Variants in LRRC69 observed in about 807,000 individuals in gnomAD.
LRRC69 encodes leucine rich repeat containing 69.
In LRRC69, 42 loss-of-function variants were observed where a neutral mutation model predicts 37.8. The ratio of observed to expected loss-of-function variants is 1.11; its 90% CI spans 0.87 to 1.44. LRRC69 has a LOEUF of 1.44. Ranked by LOEUF, LRRC69 falls within the 40% of genes most tolerant of loss-of-function variation. LRRC69 has a pLI of 0.00. For missense variants in LRRC69, 357 were observed against 401.9 expected (o/e 0.89, Z 0.96); for synonymous variants, 141 against 143.1 (o/e 0.99, Z 0.11).
chr8:91,150,366 T>C (rs1808710192), intron 5 of LRRC69, among the ~76,000 whole-genome samples: 2 of 152,050 alleles, frequency 1.3e-5, no homozygotes, highest in South Asian at 2.1e-4. Flanking sequence ...TCATTGGTTC[T>C]GTTTATGTGC....
chr8:91,206,715 A>G (rs1323400827), intron 7 of LRRC69: 5 of 1,289,766 alleles, frequency 3.9e-6, no homozygotes, highest in Non-Finnish European at 5.1e-6. Flanking sequence ...AATACAAGCA[A>G]CAACAGCCAG....
At chr8:91,206,902 T>A (rs148052485) in intron 7 of LRRC69, 3 of 1,192,400 alleles carry the variant, frequency 2.5e-6, no homozygotes, top group Non-Finnish European at 2.2e-6. Context: ...AGGGAACTCA[T>A]ACATGTTATT....
At chr8:91,188,080 T>C (rs1809433877) in intron 5 of LRRC69, among the ~76,000 whole-genome samples, 1 of 152,190 alleles carries the variant, frequency 6.6e-6, no homozygotes, top group South Asian at 2.1e-4. Flanking sequence ...AGAGCTGCCA[T>C]TGGGTTCAAC....
chr8:91,127,837 G>T (rs1813747020), intron 3 of LRRC69, among the ~76,000 whole-genome samples: 1 of 151,922 alleles, frequency 6.6e-6, no homozygotes, highest in African/African-American at 2.4e-5. Context: ...GCAGCATCCA[G>T]GGTTTTAAAA....
intron 5 of LRRC69, among the ~76,000 whole-genome samples, chr8:91,172,673 A>C (rs888284389): frequency 6.6e-6 from 1 of 151,362 alleles, no homozygotes; most frequent in Non-Finnish European, 1.5e-5. Flanking sequence ...GCACCACCAC[A>C]CTCGGCTAAT....
At chr8:91,146,855 AT>A (rs1043602772) in intron 5 of LRRC69, among the ~76,000 whole-genome samples, 2 of 151,728 alleles carry the variant, frequency 1.3e-5, no homozygotes, top group Admixed American at 6.6e-5. Flanking sequence ...GTCTGGAGAT[AT>A]TTTTGGTTGT....
At chr8:91,130,461 G>A (rs1400986587) in intron 3 of LRRC69, 1 of 151,922 alleles carries the variant, frequency 6.6e-6, no homozygotes, top group African/African-American at 2.4e-5. Flanking sequence ...TTTTAGTAGA[G>A]ATGGGGTTTC....
chr8:91,117,908 G>T (rs1195185654), intron 1 of LRRC69, among the ~76,000 whole-genome samples: 2 of 151,758 alleles, frequency 1.3e-5, no homozygotes, highest in Non-Finnish European at 2.9e-5. Context: ...GTATGGTCAG[G>T]GGTCTGGAAA....
intron 5 of LRRC69, among the ~76,000 whole-genome samples, chr8:91,161,119 A>G (rs1413493134): frequency 6.6e-6 from 1 of 151,406 alleles, no homozygotes; most frequent in Non-Finnish European, 1.5e-5. Flanking sequence ...CATATATTGA[A>G]CCATCCTTGA....
chr8:91,212,463 G>A (rs1406811935), intron 7 of LRRC69, among the ~76,000 whole-genome samples: 4 of 152,082 alleles, frequency 2.6e-5, no homozygotes, highest in Admixed American at 2.0e-4. Context: ...ATTAGACTGC[G>A]TAGGTCTCCC....
At chr8:91,209,697 A>G (rs1024591384) in intron 7 of LRRC69, among the ~76,000 whole-genome samples, 4 of 152,304 alleles carry the variant, frequency 2.6e-5, no homozygotes, top group African/African-American at 7.2e-5. Flanking sequence ...GAAGAGTTTA[A>G]TGCTGTGATT....
chr8:91,137,504 T>A (rs991589416), intron 5 of LRRC69, among the ~76,000 whole-genome samples: 1 of 152,098 alleles, frequency 6.6e-6, no homozygotes, highest in Non-Finnish European at 1.5e-5. Flanking sequence ...ATCTAACTGA[T>A]GTTCTTAAAC....
chr8:91,120,108 T>C (rs549543534), intron 1 of LRRC69, among the ~76,000 whole-genome samples: 1 of 152,120 alleles, frequency 6.6e-6, no homozygotes, highest in East Asian at 1.9e-4. Context: ...GAATTGTCTA[T>C]TAGTTGTTGT....
At chr8:91,171,423 C>G (rs1433795792) in intron 5 of LRRC69, among the ~76,000 whole-genome samples, 1 of 151,874 alleles carries the variant, frequency 6.6e-6, no homozygotes, top group East Asian at 1.9e-4. Flanking sequence ...ATGATATCAC[C>G]CCCTCCTGCT....
chr8:91,134,794 C>G (rs1390451752), intron 4 of LRRC69, among the ~76,000 whole-genome samples: 2 of 152,044 alleles, frequency 1.3e-5, no homozygotes, highest in African/African-American at 4.8e-5. Flanking sequence ...TTCCAGGAAG[C>G]CTTTCCTGAC....
chr8:91,191,041 A>AACCCCC (rs1809484739), intron 6 of LRRC69, among the ~76,000 whole-genome samples: 1 of 114,422 alleles, frequency 8.7e-6, no homozygotes, highest in Non-Finnish European at 1.8e-5. Flanking sequence ...CCTGTCTCAA[A>AACCCCC]CCCCCCCCCC....
intron 5 of LRRC69, among the ~76,000 whole-genome samples, chr8:91,155,982 G>T (rs1318882895): frequency 6.7e-6 from 1 of 148,680 alleles, no homozygotes; most frequent in Non-Finnish European, 1.5e-5. Context: ...TCTTTTGCTG[G>T]ATACTTAGGT....
At chr8:91,108,935 C>T (rs1813366275) in intron 1 of LRRC69, among the ~76,000 whole-genome samples, 2 of 151,878 alleles carry the variant, frequency 1.3e-5, no homozygotes, top group Admixed American at 1.3e-4. Flanking sequence ...GCATTCTGGT[C>T]TCACTTTCTA....
In LRRC69 at chr8:91,203,323, GTA is replaced by G. The variant is rs1367360409; in HGVS notation, c.933+2533_933+2534del. Among the ~76,000 whole-genome samples the G allele has an allele frequency of 5.9e-5, 9 of 151,872 alleles. No individual in the cohort carries two copies. The East Asian group carries it at 1.4e-3, about 23-fold the overall frequency. On this transcript the variant is annotated intron_variant, in intron 7 of 7. Coordinates refer to ENST00000448384, the Ensembl canonical transcript of LRRC69. ...AATCCTGTTGTTCAAGTGATTTAGG[GTA>G]TCATTATGCTCCAGTAGTCTTTGTG...
Sources: gnomAD v4.1 joint callset for allele counts (sites outside exome capture counted in the v4.1 genomes callset) on GRCh38, gnomAD v4.1.1 for gene constraint, MANE v1.5 for transcripts, NCBI Gene and HGNC (gene_info 2026-07-23, HGNC 2026-07-21) for gene names.